The following MMP16 variants were observed in gnomAD, a reference collection of about 807,000 sequenced individuals.
MMP16 encodes matrix metallopeptidase 16, also known as matrix metalloproteinase-16.
MMP16 carries 12 observed loss-of-function variants against 67.8 expected under a neutral mutation model. The ratio of observed to expected loss-of-function variants is 0.18; its 90% CI spans 0.11 to 0.29. MMP16 has a LOEUF of 0.29. Among genes scored for constraint, MMP16 ranks in the 10% least tolerant of loss-of-function variants. MMP16 has a pLI of 1.00. For synonymous variants in MMP16, 249 were observed against 255.9 expected, an observed-to-expected ratio of 0.97 and a Z score of 0.26; for missense variants, 475 against 765.7, an observed-to-expected ratio of 0.62 and a Z score of 4.48.
At chr8:88,074,508 G>T in intron 7 of MMP16, 97 bp downstream of exon 7, 1 of 1,038,252 alleles carries the variant, frequency 9.6e-7, no homozygotes, top group Non-Finnish European at 1.3e-6. Context: ...TAAATCCATA[G>T]GCTATGTAAT....
chr8:88,196,458 T>C (rs140271697), intron 2 of MMP16, among the ~76,000 whole-genome samples: 6 of 152,296 alleles, frequency 3.9e-5, no homozygotes, highest in Non-Finnish European at 7.4e-5. Flanking sequence ...GAAGAGATTA[T>C]GCCTTCTGAA....
At chr8:88,233,005 C>T (rs930998183) in intron 1 of MMP16, among the ~76,000 whole-genome samples, 1 of 152,128 alleles carries the variant, frequency 6.6e-6, no homozygotes, top group South Asian at 2.1e-4. Flanking sequence ...CTCTGGCTCT[C>T]CCACTTATTA....
Position 88,049,580 on chromosome 8 carries a change from A to T in MMP16, c.1374-2796T>A, listed in dbSNP as rs572784324. On this transcript the variant is annotated intron_variant, in intron 8 of 9. Coordinates refer to ENST00000286614, the MANE Select transcript of MMP16 (RefSeq NM_005941.5). ...TTTTTCACATTTTACATCTCTCAAC[A>T]TCAGAATGCCCTTACAATAGATGCA... 2.0e-5 allele frequency among the ~76,000 whole-genome samples: 3 copies of T among 152,334 alleles called. No individual in the cohort carries two copies. In the South Asian group the frequency reaches 6.2e-4, roughly 32 times the overall value.
intron 6 of MMP16, among the ~76,000 whole-genome samples, chr8:88,098,277 T>C (rs748046728): frequency 6.6e-6 from 1 of 152,030 alleles, no homozygotes; most frequent in Non-Finnish European, 1.5e-5. Context: ...TACTGCCAAC[T>C]ATGGGTGCTC....
At chr8:88,078,377 T>C (rs912147710) in intron 6 of MMP16, among the ~76,000 whole-genome samples, 5 of 152,180 alleles carry the variant, frequency 3.3e-5, no homozygotes, top group African/African-American at 1.2e-4. Context: ...TCACATAGTG[T>C]ACACCATGGA....
chr8:88,316,118 T>C (rs936454943), intron 1 of MMP16, among the ~76,000 whole-genome samples: 1 of 152,162 alleles, frequency 6.6e-6, no homozygotes, highest in Non-Finnish European at 1.5e-5. Context: ...AAGCTAGAAG[T>C]GGTTGGTTCA....
At position 88,036,564 on chromosome 8, in the gene MMP16, C is replaced by CG. The variant is rs1808056900; in HGVS notation, c.*4896dup. On this transcript the variant is annotated 3_prime_UTR_variant, in exon 10 of 10. Transcript: ENST00000286614. ...GTAGTTATGATTCCCTCCTAGGCAA[C>CG]GTGGAGCCTGTAACTTAACTGCATA... is the stretch of plus-strand genomic sequence containing the variant. 6.6e-6 allele frequency: 1 copy of CG among 151,738 alleles called. No homozygotes were observed. Among genetic ancestry groups the CG allele is most frequent in the Non-Finnish European group, 1.5e-5 (1 of 67,800 alleles). The allele number at this position is 151,738 out of a possible 1,614,324, so 9.4% of individuals were successfully genotyped here. A position where few individuals can be genotyped will look rare whatever the true frequency, so the allele number is the denominator to read the frequency against.
chr8:88,167,418 C>A (rs1361983940), intron 4 of MMP16, among the ~76,000 whole-genome samples: 1 of 152,046 alleles, frequency 6.6e-6, no homozygotes, highest in South Asian at 2.1e-4. Flanking sequence ...GAAGACAAAA[C>A]TTACTTTAGA....
At chr8:88,105,350 T>A (rs1330958840) in intron 6 of MMP16, among the ~76,000 whole-genome samples, 1 of 151,516 alleles carries the variant, frequency 6.6e-6, no homozygotes. Flanking sequence ...ATGGGGTTAG[T>A]AATTGGAAAA....
At chr8:88,275,114 A>T (rs1810625620) in intron 1 of MMP16, among the ~76,000 whole-genome samples, 1 of 152,014 alleles carries the variant, frequency 6.6e-6, no homozygotes. Context: ...TGAGAGGGAT[A>T]GAAGTATGAT....
intron 1 of MMP16, among the ~76,000 whole-genome samples, chr8:88,246,675 T>C (rs932211318): frequency 5.9e-5 from 9 of 152,196 alleles, no homozygotes; most frequent in Non-Finnish European, 1.3e-4. Context: ...CAGACATTTT[T>C]TTAAGTATGC....
At chr8:88,234,382 A>T (rs1327404901) in intron 1 of MMP16, among the ~76,000 whole-genome samples, 4 of 152,244 alleles carry the variant, frequency 2.6e-5, no homozygotes, top group Non-Finnish European at 5.9e-5. Flanking sequence ...TGGCAAGAGT[A>T]TGATACAATC....
At chr8:88,184,236 T>A (rs1809030780) in intron 3 of MMP16, among the ~76,000 whole-genome samples, 1 of 152,182 alleles carries the variant, frequency 6.6e-6, no homozygotes, top group Non-Finnish European at 1.5e-5. Context: ...TTTCCTAATT[T>A]TCCTCTACTT....
At position 88,116,391 on chromosome 8, in the gene MMP16, CT is replaced by C. The variant is rs1036877038; in HGVS notation, c.1083+115del. The C allele has an allele frequency of 5.0e-5, 44 of 888,220 alleles. 1 individual carries two copies. Among genetic ancestry groups the C allele is most frequent in the East Asian group, 4.0e-4 (15 of 37,744 alleles). 55.0% of individuals were successfully genotyped at this position (888,220 alleles called of 1,614,324 possible). ...TATTTTTTAAAATGCTTTTTTTGAA[CT>C]TTCTAACTGTGAGAGGGCTGGGAAG... On this transcript the variant is annotated intron_variant, in intron 6 of 9. Coordinates refer to ENST00000286614, the MANE Select transcript of MMP16 (RefSeq NM_005941.5).
At chr8:88,129,111 C>A (rs976089813) in intron 4 of MMP16, among the ~76,000 whole-genome samples, 4 of 151,614 alleles carry the variant, frequency 2.6e-5, no homozygotes, top group African/African-American at 9.7e-5. Flanking sequence ...TCAGAGTAAA[C>A]CCATGTAACA....
chr8:88,162,965 A>T (rs1265833549), intron 4 of MMP16, among the ~76,000 whole-genome samples: 1 of 152,036 alleles, frequency 6.6e-6, no homozygotes, highest in Non-Finnish European at 1.5e-5. Flanking sequence ...GTGAGAACAG[A>T]CTAATGCAGT....
At chr8:88,270,410 G>A (rs183351177) in intron 1 of MMP16, among the ~76,000 whole-genome samples, 12 of 152,242 alleles carry the variant, frequency 7.9e-5, no homozygotes, top group East Asian at 5.8e-4. Flanking sequence ...CTGCAATAGC[G>A]TATTCCCACT....
intron 3 of MMP16, among the ~76,000 whole-genome samples, chr8:88,174,131 G>A (rs185110387): frequency 2.6e-5 from 4 of 152,218 alleles, no homozygotes; most frequent in East Asian, 3.9e-4. Context: ...CAGTTGTAAC[G>A]GAGTCATTCA....
At chr8:88,090,038 C>G (rs1187581740) in intron 6 of MMP16, among the ~76,000 whole-genome samples, 1 of 151,798 alleles carries the variant, frequency 6.6e-6, no homozygotes, top group African/African-American at 2.4e-5. Flanking sequence ...CATGAGTAGT[C>G]AAAATAATGT....
Sources: gnomAD v4.1 joint callset for allele counts (sites outside exome capture counted in the v4.1 genomes callset) on GRCh38, gnomAD v4.1.1 for gene constraint, MANE v1.5 for transcripts, NCBI Gene and HGNC (gene_info 2026-07-23, HGNC 2026-07-21) for gene names.